Variants in SLC17A6 observed in about 807,000 individuals in gnomAD.
The protein encoded by SLC17A6 is solute carrier family 17 member 6, also known as vesicular glutamate transporter 2.
In SLC17A6, 35 loss-of-function variants were observed where a neutral mutation model predicts 67.1. The observed-to-expected ratio is 0.52, with a 90% CI of 0.40 to 0.69. The LOEUF (loss-of-function observed/expected upper bound fraction) is 0.69, where lower values mean the gene tolerates loss of function less well. Ranked by LOEUF, SLC17A6 falls within the 30% of genes least tolerant of loss-of-function variation. The probability of loss-of-function intolerance (pLI) is 0.00; values close to 1 mark genes in which losing one functional copy is unlikely to be tolerated. For missense variants in SLC17A6, 588 were observed against 723.9 expected, an observed-to-expected ratio of 0.81 and a Z score of 2.15; for synonymous variants, 285 against 252.3, an observed-to-expected ratio of 1.13 and a Z score of -1.23.
intron 6 of SLC17A6, among the ~76,000 whole-genome samples, chr11:22,364,962 A>T (rs1433976522): frequency 6.6e-6 from 1 of 152,166 alleles, no homozygotes; most frequent in East Asian, 1.9e-4. Flanking sequence ...ACAGTCACGT[A>T]AAGTGTTGTT....
At chr11:22,354,374 G>A (rs1057304940) in intron 3 of SLC17A6, among the ~76,000 whole-genome samples, 16 of 152,116 alleles carry the variant, frequency 1.1e-4, no homozygotes, top group African/African-American at 3.9e-4. Flanking sequence ...GTGAGCCACC[G>A]CGCCCGGCAA....
intron 1 of SLC17A6, among the ~76,000 whole-genome samples, 153 bp downstream of exon 1, chr11:22,338,772 G>A (rs546234380): frequency 6.6e-6 from 1 of 150,870 alleles, no homozygotes. Context: ...CTGGAAACCT[G>A]CTTATTAATG....
intron 3 of SLC17A6, among the ~76,000 whole-genome samples, chr11:22,356,907 G>A (rs1392663971): frequency 2.0e-5 from 3 of 152,168 alleles, no homozygotes; most frequent in African/African-American, 4.8e-5. Flanking sequence ...ATTATTCAGA[G>A]TAAGAATGAA....
intron 3 of SLC17A6, among the ~76,000 whole-genome samples, chr11:22,346,166 G>A (rs903848448): frequency 7.9e-5 from 12 of 152,088 alleles, no homozygotes; most frequent in African/African-American, 2.9e-4. Flanking sequence ...AGGTGTAAAA[G>A]AGTCTCACTT....
intron 1 of SLC17A6, among the ~76,000 whole-genome samples, chr11:22,341,234 T>C (rs1313548042): frequency 6.6e-6 from 1 of 152,126 alleles, no homozygotes; most frequent in East Asian, 1.9e-4. Flanking sequence ...AAGCGGCCTG[T>C]GTATCTCAAT....
At position 22,338,453 on chromosome 11, in the gene SLC17A6, T is replaced by G; in HGVS notation, c.-81T>G. The G allele has an allele frequency of 9.6e-7, 1 of 1,038,664 alleles. No homozygotes were observed. The highest frequency in any genetic ancestry group is 1.5e-6 in the Non-Finnish European group (1 of 671,946). 64.3% of individuals were successfully genotyped at this position (1,038,664 alleles called of 1,614,324 possible). On this transcript the variant is annotated 5_prime_UTR_variant, in exon 1 of 12. Coordinates refer to ENST00000263160, the MANE Select transcript of SLC17A6 (RefSeq NM_020346.3). ...AAAAGCCCGCAACTACTTTAAGAGA[T>G]TAAGACAATATGCGCAATCCTCGCC...
intron 2 of SLC17A6, 58 bp from the exon 3 acceptor site, chr11:22,343,189 G>A: frequency 7.1e-7 from 1 of 1,411,370 alleles, no homozygotes; most frequent in Non-Finnish European, 1.0e-6. Flanking sequence ...CACTGAAAGT[G>A]AGCCTTTGGT....
At chr11:22,368,367 T>C (rs1220334914) in intron 7 of SLC17A6, among the ~76,000 whole-genome samples, 1 of 152,048 alleles carries the variant, frequency 6.6e-6, no homozygotes, top group Non-Finnish European at 1.5e-5. Context: ...TTCTTTAAAA[T>C]ATATTTAAAT....
At chr11:22,367,857 G>A (rs893270859) in intron 7 of SLC17A6, among the ~76,000 whole-genome samples, 1 of 152,252 alleles carries the variant, frequency 6.6e-6, no homozygotes, top group African/African-American at 2.4e-5. Flanking sequence ...TCTTACTGAT[G>A]TTTCATATGT....
intron 8 of SLC17A6, among the ~76,000 whole-genome samples, chr11:22,371,608 G>C (rs1016741073): frequency 6.6e-6 from 1 of 151,670 alleles, no homozygotes; most frequent in African/African-American, 2.4e-5. Flanking sequence ...CAGTTCTCGG[G>C]GGCAGAGTGA....
chr11:22,370,152 A>C lies in SLC17A6; in HGVS notation c.1005A>C (p.Ala335=). The C allele has an allele frequency of 1.2e-6, 2 of 1,610,140 alleles. No homozygotes were observed. Among genetic ancestry groups the C allele is most frequent in the Non-Finnish European group, 1.7e-6 (2 of 1,178,614 alleles). Residue 335 remains alanine (A), a synonymous_variant, in exon 8 of 12, where the codon GCA becomes GCC. Transcript: ENST00000263160. ...TFYLLLISQP[A]YFEEVFGFEI... is the part of the protein sequence containing the mutation. Reference sequence around the variant, plus strand: ...ATTTATTGCTTATTAGTCAGCCAGCATATTTTGAGGAAGTCTTTGGATTTG... The same window carrying C: ...ATTTATTGCTTATTAGTCAGCCAGCCTATTTTGAGGAAGTCTTTGGATTTG...
chr11:22,369,170 G>A (rs554967809), intron 7 of SLC17A6, among the ~76,000 whole-genome samples: 1 of 152,026 alleles, frequency 6.6e-6, no homozygotes, highest in Admixed American at 6.6e-5. Context: ...TCAGAATAAA[G>A]TAATTGAGAA....
At chr11:22,373,263 A>C (rs141767473) in intron 8 of SLC17A6, among the ~76,000 whole-genome samples, 121 of 152,278 alleles carry the variant, frequency 7.9e-4, no homozygotes, top group African/African-American at 2.8e-3. Context: ...GGTTACTCCC[A>C]AACTTTTAGC....
At chr11:22,342,277 C>CA (rs1855823976) in intron 2 of SLC17A6, among the ~76,000 whole-genome samples, 1 of 152,128 alleles carries the variant, frequency 6.6e-6, no homozygotes, top group Admixed American at 6.5e-5. Context: ...GGAGCCACAA[C>CA]GTAAGAGGGT....
chr11:22,365,172 A>G (rs1462325376), intron 6 of SLC17A6, among the ~76,000 whole-genome samples: 2 of 152,168 alleles, frequency 1.3e-5, no homozygotes. Context: ...CCCCAGAATA[A>G]TTCTTTGAGG....
chr11:22,345,315 A>ATTT (rs5790254), intron 3 of SLC17A6, among the ~76,000 whole-genome samples: 3 of 142,824 alleles, frequency 2.1e-5, no homozygotes, highest in African/African-American at 5.2e-5. Flanking sequence ...TACTCAAAAG[A>ATTT]TTTTTTTTTT....
At chr11:22,366,278 C>T (rs1291115302) in intron 7 of SLC17A6, among the ~76,000 whole-genome samples, 1 of 152,014 alleles carries the variant, frequency 6.6e-6, no homozygotes, top group Non-Finnish European at 1.5e-5. Context: ...CCCCCCCACC[C>T]TGTAAAATAT....
chr11:22,369,956 T>C lies in SLC17A6; in HGVS notation c.892-83T>C, dbSNP rs560458856. ...TACTTATGACCTGTCATATACATCC[T>C]GAAAATGCAAAGCACCTATTATTCC... On this transcript the variant is annotated intron_variant, in intron 7 of 11. Transcript: ENST00000263160. The C allele has an allele frequency of 2.1e-5, 29 of 1,366,794 alleles. 1 individual carries two copies. The South Asian group carries it at 3.5e-4, about 16-fold the overall frequency. 84.7% of individuals were successfully genotyped at this position (1,366,794 alleles called of 1,614,324 possible).
At chr11:22,346,305 G>A (rs1349323081) in intron 3 of SLC17A6, among the ~76,000 whole-genome samples, 1 of 152,100 alleles carries the variant, frequency 6.6e-6, no homozygotes, top group African/African-American at 2.4e-5. Flanking sequence ...AAAACAAAGA[G>A]CAATTATTTG....
Sources: allele counts gnomAD v4.1 joint callset (sites outside exome capture counted in the v4.1 genomes callset), GRCh38; gene constraint gnomAD v4.1.1; transcripts MANE v1.5; gene names NCBI Gene and HGNC (gene_info 2026-07-23, HGNC 2026-07-21).